Variants in ZNF267 observed in about 807,000 individuals in gnomAD.
ZNF267 encodes zinc finger protein 267, also known as zinc finger (C2H2).
A neutral mutation model predicts 71.6 loss-of-function variants in ZNF267; 61 were observed. The observed-to-expected ratio is 0.85, with a 90% CI of 0.69 to 1.05. ZNF267 has a LOEUF of 1.05. Among genes scored for constraint, ZNF267 ranks in the 50% least tolerant of loss-of-function variants. The pLI, the probability that ZNF267 is intolerant of heterozygous loss-of-function variation, is 0.00. For missense variants in ZNF267, 852 were observed against 870.0 expected (o/e 0.98, Z 0.26); for synonymous variants, 288 against 293.2 (o/e 0.98, Z 0.18).
chr16:31,906,290 A>C (rs1055878108), intron 3 of ZNF267, among the ~76,000 whole-genome samples: 1 of 151,978 alleles, frequency 6.6e-6, no homozygotes, highest in East Asian at 1.9e-4. Flanking sequence ...GAGAACCACT[A>C]CTCTCTTCAA....
intron 3 of ZNF267, among the ~76,000 whole-genome samples, chr16:31,892,076 A>G (rs536698925): frequency 6.6e-6 from 1 of 152,260 alleles, no homozygotes; most frequent in East Asian, 1.9e-4. Flanking sequence ...CTGTCCTCAC[A>G]CTGCTGATAA....
rs2084165698 is a variant in ZNF267, at chr16:31,915,260, T to C, written c.1011T>C (p.Leu337=). The change falls in exon 4 of 4, where the codon CTT becomes CTC. Residue 337 remains leucine (L), a synonymous_variant. Coordinates refer to ENST00000300870, the MANE Select transcript of ZNF267 (RefSeq NM_003414.6). ...CGDSLNHSLH[L]TQHQIIPTEE... ...ATAGCTTAAACCATAGTTTGCACCT[T>C]ACTCAACATCAGATCATTCCTACCG... 1 of 1,613,892 alleles carries C rather than the reference T, an allele frequency of 6.2e-7. No individual in the cohort carries two copies. The highest frequency in any genetic ancestry group is 1.3e-5 in the African/African-American group (1 of 74,928).
chr16:31,901,031 A>G (rs1434777268), intron 3 of ZNF267, among the ~76,000 whole-genome samples: 1 of 151,698 alleles, frequency 6.6e-6, no homozygotes, highest in Non-Finnish European at 1.5e-5. Context: ...ATTCCCACCT[A>G]TGAGTGAGAA....
intron 3 of ZNF267, among the ~76,000 whole-genome samples, chr16:31,898,821 G>A (rs1284265977): frequency 6.6e-6 from 1 of 151,914 alleles, no homozygotes; most frequent in East Asian, 1.9e-4. Context: ...ACACACATAG[G>A]CTCAAAATAA....
intron 3 of ZNF267, chr16:31,894,912 G>A: frequency 2.7e-6 from 1 of 369,394 alleles, no homozygotes; most frequent in Non-Finnish European, 5.4e-6. Context: ...TTTCCCCTGG[G>A]TTAGTGCCAG....
chr16:31,878,084 C>G (rs923430360), intron 1 of ZNF267, among the ~76,000 whole-genome samples: 3 of 152,132 alleles, frequency 2.0e-5, no homozygotes, highest in African/African-American at 4.8e-5. Context: ...CCTGCGCTGA[C>G]TCTGCGTGGT....
intron 1 of ZNF267, among the ~76,000 whole-genome samples, chr16:31,882,879 GTATC>G (rs1215637923): frequency 6.6e-6 from 1 of 152,172 alleles, no homozygotes; most frequent in African/African-American, 2.4e-5. Flanking sequence ...TTTGTAATGA[GTATC>G]TAGGAGGGAG....
Position 31,914,744 on chromosome 16 carries a change from T to TAGGA in ZNF267, c.499_502dup (p.Val168GlufsTer10). On this transcript the variant is annotated frameshift_variant, in exon 4 of 4. Coordinates refer to ENST00000300870, the MANE Select transcript of ZNF267 (RefSeq NM_003414.6). LOFTEE classifies it high-confidence loss of function. ...CCAAAAGCTATAACTTTGATCAATA[T>TAGGA]AGGAAGGTCTTTACTCATTCATCAT... 6.2e-7 allele frequency: 1 copy of TAGGA among 1,614,094 alleles called. No homozygotes were observed. Among genetic ancestry groups the TAGGA allele is most frequent in the South Asian group, 1.1e-5 (1 of 91,068 alleles).
intron 3 of ZNF267, among the ~76,000 whole-genome samples, chr16:31,905,963 G>A (rs1246417303): frequency 3.3e-5 from 5 of 152,084 alleles, no homozygotes; most frequent in African/African-American, 4.8e-5. Context: ...TGGGTTTTTG[G>A]TGTGGTTGTC....
intron 3 of ZNF267, chr16:31,912,339 G>A (rs1310968132): frequency 6.6e-6 from 1 of 151,562 alleles, no homozygotes; most frequent in Non-Finnish European, 1.5e-5. Flanking sequence ...TAAAAGCTTT[G>A]CTACTTCAGC....
At chr16:31,874,852 A>G (rs753623107) in intron 1 of ZNF267, among the ~76,000 whole-genome samples, 16 of 152,144 alleles carry the variant, frequency 1.1e-4, no homozygotes, top group Non-Finnish European at 2.4e-4. Context: ...CCTTCCCGAC[A>G]TTTCCAAAGG....
rs1187600813 is a variant in ZNF267, at chr16:31,917,165, A to T, written c.*684A>T. 1 of 151,928 alleles carries T rather than the reference A, an allele frequency of 6.6e-6. No individual in the cohort carries two copies. Among genetic ancestry groups the T allele is most frequent in the African/African-American group, 2.4e-5 (1 of 41,332 alleles). 9.4% of individuals were successfully genotyped at this position (151,928 alleles called of 1,614,324 possible). On this transcript the variant is annotated 3_prime_UTR_variant, in exon 4 of 4. Coordinates refer to ENST00000300870, the MANE Select transcript of ZNF267 (RefSeq NM_003414.6). ...ATATGTGTTCTGTTTTTTTTTCTGC[A>T]TCAGAACAATGTGAGGTCATTCTAC...
chr16:31,902,827 A>G (rs1290813375), intron 3 of ZNF267, among the ~76,000 whole-genome samples: 2 of 152,062 alleles, frequency 1.3e-5, no homozygotes, highest in Non-Finnish European at 2.9e-5. Context: ...TTCCAACACT[A>G]TGTTGAATAG....
intron 3 of ZNF267, among the ~76,000 whole-genome samples, chr16:31,903,061 T>C (rs968436149): frequency 1.3e-5 from 2 of 152,236 alleles, no homozygotes; most frequent in Non-Finnish European, 2.9e-5. Context: ...GTTTTTGTCT[T>C]TGGTTCTGTT....
chr16:31,897,137 AAAAAC>A lies in ZNF267; in HGVS notation c.226+11901_226+11905del, dbSNP rs199595437. Among the ~76,000 whole-genome samples, 1,184 of 151,456 alleles carry A rather than the reference AAAAAC, an allele frequency of 7.8e-3. 18 individuals are homozygous for A. The highest frequency in any genetic ancestry group is 0.027 in the African/African-American group (1,124 of 41,204). ...ACCTGAACACAACACCAAACACCAAAAAAACAAAACAAAACAAAACAAAAAAAACC... is the reference window on the plus strand; with the variant it reads ...ACCTGAACACAACACCAAACACCAAAAAAACAAAACAAAACAAAAAAAACC... On this transcript the variant is annotated intron_variant, in intron 3 of 3. Coordinates refer to ENST00000300870, the MANE Select transcript of ZNF267 (RefSeq NM_003414.6).
At chr16:31,883,462 G>C (rs17642065) in intron 1 of ZNF267, among the ~76,000 whole-genome samples, 11,784 of 152,202 alleles carry the variant, frequency 0.077, 640 homozygotes, top group Non-Finnish European at 0.11. Context: ...TTGTGTGGCT[G>C]CTTTCTTGTT....
At chr16:31,889,590 A>T (rs949526559) in intron 3 of ZNF267, among the ~76,000 whole-genome samples, 1 of 152,208 alleles carries the variant, frequency 6.6e-6, no homozygotes, top group Admixed American at 6.5e-5. Flanking sequence ...TAATTGGTCT[A>T]CAGTTCTGCA....
chr16:31,899,426 A>G (rs2084022362), intron 3 of ZNF267, among the ~76,000 whole-genome samples: 1 of 152,244 alleles, frequency 6.6e-6, no homozygotes, highest in Admixed American at 6.5e-5. Context: ...CTGCTCCTGA[A>G]TGACTACTGG....
rs762044330 is a variant in ZNF267 at position 31,914,978 on chromosome 16, A to G, written c.729A>G (p.Gln243=). 12 of 1,609,720 alleles carry G rather than the reference A, an allele frequency of 7.5e-6. No individual in the cohort carries two copies. The South Asian group carries it at 8.9e-5, about 12-fold the overall frequency. ...AGGAAAATTATTTTCTAGAAAAACA[A>G]TACAAATGTAAAGAATTTGAGGAAG... ...NHQENYFLEK[Q]YKCKEFEEVF... Residue 243 remains glutamine (Q), a synonymous_variant, in exon 4 of 4, where the codon CAA becomes CAG. Transcript: ENST00000300870.
Sources: gnomAD v4.1 joint callset for allele counts (sites outside exome capture counted in the v4.1 genomes callset) on GRCh38, gnomAD v4.1.1 for gene constraint, MANE v1.5 for transcripts, NCBI Gene and HGNC (gene_info 2026-07-23, HGNC 2026-07-21) for gene names.